Variants in HECW1 observed in about 807,000 individuals in gnomAD.
HECW1 encodes HECT, C2 and WW domain containing E3 ubiquitin protein ligase 1, also known as E3 ubiquitin-protein ligase HECW1.
In HECW1, 61 loss-of-function variants were observed where a neutral mutation model predicts 182.3. That is an observed-to-expected ratio of 0.33 (90% CI 0.27 to 0.41). The LOEUF is 0.41. Among genes scored for constraint, HECW1 ranks in the 10% least tolerant of loss-of-function variants. HECW1 has a pLI of 1.00. For synonymous variants in HECW1, 859 were observed against 832.6 expected (o/e 1.03, Z -0.55); for missense variants, 1,739 against 2,108.9 (o/e 0.82, Z 3.44).
chr7:43,505,511 C>G (rs768168430), intron 21 of HECW1, among the ~76,000 whole-genome samples: 10 of 152,188 alleles, frequency 6.6e-5, no homozygotes, highest in African/African-American at 1.7e-4. Flanking sequence ...AACAAAATTG[C>G]TTAACAATGT....
intron 2 of HECW1, among the ~76,000 whole-genome samples, chr7:43,155,857 G>A (rs1036966176): frequency 1.3e-5 from 2 of 152,208 alleles, no homozygotes; most frequent in Non-Finnish European, 2.9e-5. Context: ...TCTTACAGGT[G>A]TAACAGCAGA....
rs973322952 is a variant in HECW1 at position 43,563,061 on chromosome 7, T to C, written c.*1135T>C. On this transcript the variant is annotated 3_prime_UTR_variant, in exon 30 of 30. Coordinates refer to ENST00000395891, the MANE Select transcript of HECW1 (RefSeq NM_015052.5). ...GGAGTTCAAGTTCCTTTGCATTCGATTGTCCATCGGGACCACACTAGGAAG... is the reference window on the plus strand; with the variant it reads ...GGAGTTCAAGTTCCTTTGCATTCGACTGTCCATCGGGACCACACTAGGAAG... 2.5e-5 allele frequency: 5 copies of C among 202,036 alleles called. No individual in the cohort carries two copies. The East Asian group carries it at 3.1e-4, about 12-fold the overall frequency. The allele number at this position is 202,036 out of a possible 1,614,324, so 12.5% of individuals were successfully genotyped here.
At chr7:43,303,233 A>C (rs11976874) in intron 3 of HECW1, among the ~76,000 whole-genome samples, 9,094 of 151,726 alleles carry the variant, frequency 0.06, 320 homozygotes, top group Middle Eastern at 0.11. Flanking sequence ...CAAAGCAGTG[A>C]ATGGTCCAAT....
chr7:43,499,240 G>C (rs2079237888), intron 19 of HECW1, among the ~76,000 whole-genome samples: 1 of 152,094 alleles, frequency 6.6e-6, no homozygotes, highest in Non-Finnish European at 1.5e-5. Flanking sequence ...CTGTGATCAG[G>C]TCACTGCACT....
At chr7:43,234,600 T>G (rs1003074470) in intron 2 of HECW1, among the ~76,000 whole-genome samples, 3 of 152,238 alleles carry the variant, frequency 2.0e-5, no homozygotes, top group Admixed American at 6.5e-5. Context: ...TCCTTATCTT[T>G]GAAGCTTTTC....
At chr7:43,302,216 TCAACAAG>T (rs1157417877) in intron 3 of HECW1, among the ~76,000 whole-genome samples, 1 of 148,978 alleles carries the variant, frequency 6.7e-6, no homozygotes, top group Non-Finnish European at 1.5e-5. Flanking sequence ...CTCAGGCTTC[TCAACAAG>T]CCTGAGGCTC....
intron 4 of HECW1, among the ~76,000 whole-genome samples, chr7:43,318,827 T>C (rs1809667359): frequency 6.6e-6 from 1 of 152,250 alleles, no homozygotes; most frequent in Non-Finnish European, 1.5e-5. Flanking sequence ...TCAGGTGCCC[T>C]TGCCCAGGTT....
At chr7:43,201,040 G>A (rs1794978436) in intron 2 of HECW1, among the ~76,000 whole-genome samples, 1 of 152,188 alleles carries the variant, frequency 6.6e-6, no homozygotes, top group Non-Finnish European at 1.5e-5. Flanking sequence ...TTGAAACGTG[G>A]GAGAAGGATA....
At chr7:43,223,012 A>C (rs1256409280) in intron 2 of HECW1, among the ~76,000 whole-genome samples, 3 of 152,208 alleles carry the variant, frequency 2.0e-5, no homozygotes, top group African/African-American at 7.2e-5. Flanking sequence ...AAAATGTCCG[A>C]AACCAAACTC....
chr7:43,352,249 T>G (rs1391545890), intron 5 of HECW1, among the ~76,000 whole-genome samples: 1 of 152,228 alleles, frequency 6.6e-6, no homozygotes, highest in Admixed American at 6.5e-5. Context: ...GACATCTAAT[T>G]AAATTTGAAT....
At chr7:43,294,908 G>A (rs765703607) in intron 3 of HECW1, among the ~76,000 whole-genome samples, 7 of 152,160 alleles carry the variant, frequency 4.6e-5, no homozygotes, top group Non-Finnish European at 7.3e-5. Flanking sequence ...TTAGGGAGAC[G>A]TGAGACTTCA....
At chr7:43,338,967 T>A (rs1812630246) in intron 5 of HECW1, among the ~76,000 whole-genome samples, 1 of 152,230 alleles carries the variant, frequency 6.6e-6, no homozygotes, top group East Asian at 1.9e-4. Context: ...TAGCGGGAAC[T>A]CAAAGTTAGG....
chr7:43,527,696 C>T (rs1196043828), intron 24 of HECW1, among the ~76,000 whole-genome samples: 2 of 152,164 alleles, frequency 1.3e-5, no homozygotes, highest in African/African-American at 4.8e-5. Context: ...AGATACCTCC[C>T]ATCATGGAAA....
chr7:43,123,829 G>A (rs113643717), intron 2 of HECW1, among the ~76,000 whole-genome samples: 2 of 152,324 alleles, frequency 1.3e-5, no homozygotes, highest in African/African-American at 4.8e-5. Context: ...GAGGCTGGAA[G>A]ACCAGGCCCT....
rs139758946 is a variant in HECW1 at position 43,469,174 on chromosome 7, G to A, written c.3099+69G>A. On this transcript the variant is annotated intron_variant, in intron 16 of 29. Coordinates refer to ENST00000395891, the MANE Select transcript of HECW1 (RefSeq NM_015052.5). Reference sequence around the variant, plus strand: ...TCCCCAGGGTGAAGCTAGCAAGGGCGTGAGGAGGAGAGTGTGGGGAGGAGT... The same window carrying A: ...TCCCCAGGGTGAAGCTAGCAAGGGCATGAGGAGGAGAGTGTGGGGAGGAGT... The A allele has an allele frequency of 6.5e-4, 969 of 1,494,626 alleles. 4 individuals carry two copies. The African/African-American group carries it at 0.012, about 18-fold the overall frequency. The allele number at this position is 1,494,626 out of a possible 1,614,324, so 92.6% of individuals were successfully genotyped here. A position where few individuals can be genotyped will look rare whatever the true frequency, so the allele number is the denominator to read the frequency against.
At chr7:43,179,211 A>G (rs1164571748) in intron 2 of HECW1, among the ~76,000 whole-genome samples, 2 of 152,220 alleles carry the variant, frequency 1.3e-5, no homozygotes, top group African/African-American at 4.8e-5. Context: ...TGCTGGAGAG[A>G]GTGGCTGACA....
At chr7:43,533,942 G>A (rs1029428270) in intron 24 of HECW1, among the ~76,000 whole-genome samples, 6 of 152,086 alleles carry the variant, frequency 3.9e-5, no homozygotes, top group Non-Finnish European at 7.4e-5. Flanking sequence ...TGATCTGTTG[G>A]GGCAACAGAT....
intron 6 of HECW1, among the ~76,000 whole-genome samples, chr7:43,394,094 G>A (rs1000873620): frequency 7.9e-5 from 12 of 152,204 alleles, no homozygotes; most frequent in African/African-American, 9.6e-5. Flanking sequence ...GTGCAGTATA[G>A]CACTGTGAGG....
At position 43,226,508 on chromosome 7, in the gene HECW1, G is replaced by T. The variant is rs1353105873; in HGVS notation, c.-31-17367G>T. On this transcript the variant is annotated intron_variant, in intron 2 of 29. Coordinates refer to ENST00000395891, the MANE Select transcript of HECW1 (RefSeq NM_015052.5). Reference sequence around the variant, plus strand: ...AATGCTTTACTTTTTTCATCTCGTGGAAGTAAGAGATTTCAAAATAACATT... The same window carrying T: ...AATGCTTTACTTTTTTCATCTCGTGTAAGTAAGAGATTTCAAAATAACATT... 2.0e-5 allele frequency among the ~76,000 whole-genome samples: 3 copies of T among 152,164 alleles called. No individual in the cohort carries two copies. The South Asian group carries it at 6.2e-4, about 32-fold the overall frequency.
Sources: gnomAD v4.1 joint callset for allele counts (sites outside exome capture counted in the v4.1 genomes callset) on GRCh38, gnomAD v4.1.1 for gene constraint, MANE v1.5 for transcripts, NCBI Gene and HGNC (gene_info 2026-07-23, HGNC 2026-07-21) for gene names.